Variants in RAP1GAP2 observed in about 807,000 individuals in gnomAD.
RAP1GAP2 encodes RAP1 GTPase activating protein 2.
Under a neutral mutation model 95.0 loss-of-function variants are expected in RAP1GAP2, and 27 were observed. The ratio of observed to expected loss-of-function variants is 0.28; its 90% CI spans 0.21 to 0.39. The LOEUF is 0.39. RAP1GAP2 is among the 10% of genes least tolerant of loss of function. RAP1GAP2 has a pLI of 1.00. For synonymous variants in RAP1GAP2, 373 were observed against 380.9 expected (o/e 0.98, Z 0.24); for missense variants, 771 against 970.0 (o/e 0.79, Z 2.72).
chr17:3,005,185 C>T lies in RAP1GAP2; in HGVS notation c.1201-184C>T, dbSNP rs552140293. Among the ~76,000 whole-genome samples the T allele has an allele frequency of 2.0e-5, 3 of 152,308 alleles. No homozygotes were observed. Among genetic ancestry groups the T allele is most frequent in the Non-Finnish European group, 2.9e-5 (2 of 68,022 alleles). On this transcript the variant is annotated intron_variant, in intron 14 of 24. Coordinates refer to ENST00000254695, the MANE Select transcript of RAP1GAP2 (RefSeq NM_015085.5). The surrounding 1 kb of genome is among the most constrained non-coding windows in gnomAD (Gnocchi z 5.2). ...TGAGAGGCTGCGGATGGCCCCACAC[C>T]GTCCGGCCCCACTTCTAGGAACAGG...
At chr17:2,920,521 C>G (rs28753403) in intron 3 of RAP1GAP2, among the ~76,000 whole-genome samples, 1 of 152,146 alleles carries the variant, frequency 6.6e-6, no homozygotes, top group Non-Finnish European at 1.5e-5. Context: ...GGACAGAGCC[C>G]TTGCCTCTTC....
Position 3,037,245 on chromosome 17 carries a change from G to A in RAP1GAP2, c.*3884G>A, listed in dbSNP as rs2047489166. The A allele has an allele frequency of 6.6e-6, 1 of 152,634 alleles. No individual in the cohort carries two copies. Among genetic ancestry groups the A allele is most frequent in the Admixed American group, 6.5e-5 (1 of 15,270 alleles). 9.5% of individuals were successfully genotyped at this position (152,634 alleles called of 1,614,324 possible). ...GAGCCCTGCCGAGTGAGAGGCTGTG[G>A]GGCAGCGGCTCTGTCCTGTGCCTTA... On this transcript the variant is annotated 3_prime_UTR_variant, in exon 25 of 25. Transcript: ENST00000254695.
chr17:3,005,504 A>G lies in RAP1GAP2; in HGVS notation c.1272+64A>G. ...TGCCAGGTCTCAGTGCTTGAGTAGC[A>G]ATGGTTGGGATGGAGCCAAATTCAG... On this transcript the variant is annotated intron_variant, in intron 15 of 24. Coordinates refer to ENST00000254695, the MANE Select transcript of RAP1GAP2 (RefSeq NM_015085.5). The surrounding 1 kb of genome is among the most constrained non-coding windows in gnomAD (Gnocchi z 5.2). 1 of 1,539,558 alleles carries G rather than the reference A, an allele frequency of 6.5e-7. No individual in the cohort carries two copies. The highest frequency in any genetic ancestry group is 9.0e-7 in the Non-Finnish European group (1 of 1,112,242).
At chr17:2,835,970 G>A (rs1597402435) in intron 2 of RAP1GAP2, among the ~76,000 whole-genome samples, 1 of 152,308 alleles carries the variant, frequency 6.6e-6, no homozygotes, top group East Asian at 1.9e-4. Context: ...GTGTGGTTGA[G>A]AGGACTGTGC....
At chr17:2,782,543 G>T (rs2068684277) in intron 1 of RAP1GAP2, among the ~76,000 whole-genome samples, 1 of 152,122 alleles carries the variant, frequency 6.6e-6, no homozygotes, top group South Asian at 2.1e-4. Context: ...GTGGTCTCTG[G>T]GGCTCCGGGC....
chr17:2,788,163 G>A (rs1251199270), intron 1 of RAP1GAP2, among the ~76,000 whole-genome samples: 1 of 152,070 alleles, frequency 6.6e-6, no homozygotes, highest in Non-Finnish European at 1.5e-5. Context: ...TTTTGATAGA[G>A]TGTATTAGTC....
At chr17:2,763,556 C>T (rs2068223355) in intron 1 of RAP1GAP2, among the ~76,000 whole-genome samples, 2 of 151,850 alleles carry the variant, frequency 1.3e-5, no homozygotes, top group South Asian at 2.1e-4. Context: ...ATTAGCTGGG[C>T]GTGGTGGCGG....
chr17:2,768,518 C>T (rs1024611571), intron 1 of RAP1GAP2, among the ~76,000 whole-genome samples: 4 of 151,812 alleles, frequency 2.6e-5, no homozygotes, highest in East Asian at 1.9e-4. Context: ...ATGGTGAAAC[C>T]CCATCTCTAC....
chr17:2,759,138 C>T (rs1399178695), intron 1 of RAP1GAP2, among the ~76,000 whole-genome samples: 1 of 152,124 alleles, frequency 6.6e-6, no homozygotes, highest in East Asian at 1.9e-4. Flanking sequence ...CTGTGCCCAG[C>T]CTTGAGTCAT....
intron 10 of RAP1GAP2, among the ~76,000 whole-genome samples, chr17:2,982,521 C>T (rs915640247): frequency 2.6e-5 from 4 of 152,154 alleles, no homozygotes; most frequent in Admixed American, 6.5e-5. Context: ...GAGCGAATGG[C>T]GGAGTCCTTT....
At chr17:2,977,191 G>A (rs769877846) in intron 8 of RAP1GAP2, among the ~76,000 whole-genome samples, 2 of 151,676 alleles carry the variant, frequency 1.3e-5, no homozygotes, top group Non-Finnish European at 2.9e-5. Context: ...AGGTGAGGAC[G>A]CAGTTAGAAA....
chr17:2,937,183 T>C (rs2043331997), intron 3 of RAP1GAP2, among the ~76,000 whole-genome samples: 1 of 152,040 alleles, frequency 6.6e-6, no homozygotes, highest in Non-Finnish European at 1.5e-5. Flanking sequence ...GCAAATAAAG[T>C]GGAGTGGGAA....
chr17:2,857,253 G>C lies in RAP1GAP2; in HGVS notation c.81-48031G>C, dbSNP rs1277488151. Among the ~76,000 whole-genome samples the C allele has an allele frequency of 2.0e-5, 3 of 152,188 alleles. No individual in the cohort carries two copies. Among genetic ancestry groups the C allele is most frequent in the Non-Finnish European group, 4.4e-5 (3 of 68,016 alleles). On this transcript the variant is annotated intron_variant, in intron 2 of 24. Coordinates refer to ENST00000254695, the MANE Select transcript of RAP1GAP2 (RefSeq NM_015085.5). The surrounding 1 kb of genome is among the most constrained non-coding windows in gnomAD (Gnocchi z 4.0). ...GCTCTTAGCCTTAAGGGTTGAAATG[G>C]TTGTGTGTGGCTTGCAGGGACCACC...
chr17:2,931,211 T>G (rs1210262639), intron 3 of RAP1GAP2, among the ~76,000 whole-genome samples: 1 of 151,120 alleles, frequency 6.6e-6, no homozygotes, highest in Non-Finnish European at 1.5e-5. Flanking sequence ...TGGGTCATGG[T>G]CCCCACCTTT....
intron 4 of RAP1GAP2, among the ~76,000 whole-genome samples, chr17:2,959,968 T>C (rs1469833116): frequency 6.6e-6 from 1 of 151,346 alleles, no homozygotes; most frequent in Admixed American, 6.6e-5. Context: ...CTACTAAAAA[T>C]AGAAAAATTA....
intron 3 of RAP1GAP2, among the ~76,000 whole-genome samples, chr17:2,931,280 TTGTGTG>T (rs34690298): frequency 0.34 from 50,517 of 146,552 alleles, 9,604 homozygotes; most frequent in East Asian, 0.42. Context: ...TGAGTGTTTC[TTGTGTG>T]TGTGTGTGTG....
At chr17:2,810,160 G>A (rs970952212) in intron 2 of RAP1GAP2, among the ~76,000 whole-genome samples, 7 of 152,008 alleles carry the variant, frequency 4.6e-5, no homozygotes, top group Admixed American at 2.0e-4. Context: ...GGTGAAGGGC[G>A]AGGGGAGCAA....
At position 3,019,195 on chromosome 17, in the gene RAP1GAP2, T is replaced by C. The variant is rs567237739; in HGVS notation, c.1632+997T>C. ...TGCAGGCCTGTGAGTTTGGGCCTGA[T>C]TGACTCGTACCAGGGGCTGGGAAGG... On this transcript the variant is annotated intron_variant, in intron 18 of 24. Coordinates refer to ENST00000254695, the MANE Select transcript of RAP1GAP2 (RefSeq NM_015085.5). Among the ~76,000 whole-genome samples, 22 of 152,280 alleles carry C rather than the reference T, an allele frequency of 1.4e-4. No individual in the cohort carries two copies. In the Middle Eastern group the frequency reaches 0.01, roughly 71 times the overall value.
At chr17:3,030,767 G>C (rs2047265080) in intron 22 of RAP1GAP2, among the ~76,000 whole-genome samples, 155 bp from the exon 23 acceptor site, 1 of 152,120 alleles carries the variant, frequency 6.6e-6, no homozygotes, top group African/African-American at 2.4e-5. Flanking sequence ...TAATCTAGGA[G>C]TTGGCTCTCG....
Sources: allele counts gnomAD v4.1 joint callset (sites outside exome capture counted in the v4.1 genomes callset), GRCh38; gene constraint gnomAD v4.1.1; non-coding constraint Gnocchi (gnomAD v3.1); transcripts MANE v1.5; gene names NCBI Gene and HGNC (gene_info 2026-07-23, HGNC 2026-07-21).